The following DHRSX variants were observed in gnomAD, a reference collection of about 807,000 sequenced individuals.
DHRSX encodes the protein polyprenol dehydrogenase.
In DHRSX, 31 loss-of-function variants were observed where a neutral mutation model predicts 34.0. The observed-to-expected ratio is 0.91, with a 90% CI of 0.69 to 1.23. DHRSX has a LOEUF of 1.23. DHRSX is among the 50% of genes most tolerant of loss of function. DHRSX has a pLI of 0.00. For synonymous variants in DHRSX, 201 were observed against 183.8 expected (o/e 1.09, Z -0.76); for missense variants, 414 against 428.1 (o/e 0.97, Z 0.29).
intron 3 of DHRSX, among the ~76,000 whole-genome samples, chrX:2,393,062 TTA>T (rs1255113945): frequency 4.1e-5 from 6 of 146,884 alleles, no homozygotes; most frequent in African/African-American, 1.2e-4. Flanking sequence ...TAAATTCATA[TTA>T]TGTCATTATG....
At chrX:2,423,323 G>A (rs924422505) in intron 2 of DHRSX, among the ~76,000 whole-genome samples, 2 of 152,112 alleles carry the variant, frequency 1.3e-5, no homozygotes, top group Non-Finnish European at 2.9e-5. Flanking sequence ...TGAGGCAGGA[G>A]AGTCGCTTGA....
intron 4 of DHRSX, among the ~76,000 whole-genome samples, chrX:2,285,344 A>C (rs574083208): frequency 1.3e-5 from 2 of 152,184 alleles, no homozygotes; most frequent in Admixed American, 1.3e-4. Context: ...ATTAGATTCC[A>C]TAAGGAGCAC....
At chrX:2,267,757 G>C (rs1368419772) in intron 4 of DHRSX, among the ~76,000 whole-genome samples, 3 of 151,988 alleles carry the variant, frequency 2.0e-5, no homozygotes, top group Admixed American at 6.6e-5. Context: ...ACCAGGCTGT[G>C]CACCACAGTG....
intron 4 of DHRSX, among the ~76,000 whole-genome samples, chrX:2,274,136 CA>C (rs1220007949): frequency 2.0e-5 from 3 of 150,114 alleles, no homozygotes; most frequent in Admixed American, 2.0e-4. Flanking sequence ...CTCCTGGGTT[CA>C]AGCGATTCTC....
In DHRSX at chrX:2,393,825, C is replaced by G. The variant is rs1450408798; in HGVS notation, c.286+14920G>C. ...CTGCACACACGACACACAGGGACCT[C>G]CCCGTCTCCTGCACACACGACACAC... On this transcript the variant is annotated intron_variant, in intron 3 of 6. Transcript: ENST00000334651. Among the ~76,000 whole-genome samples the G allele has an allele frequency of 4.7e-4, 31 of 65,366 alleles. 3 individuals are homozygous for G. The highest frequency in any genetic ancestry group is 9.2e-4 in the Non-Finnish European group (28 of 30,294). 42.9% of individuals were successfully genotyped at this position (65,366 alleles called of 152,430 possible). A position where few individuals can be genotyped will look rare whatever the true frequency, so the allele number is the denominator to read the frequency against.
At chrX:2,490,606 G>A (rs1477820741) in intron 1 of DHRSX, 15 of 1,613,968 alleles carry the variant, frequency 9.3e-6, no homozygotes, top group African/African-American at 2.7e-5. Flanking sequence ...ACTGCAGGAT[G>A]CATCCCTCGG....
intron 1 of DHRSX, among the ~76,000 whole-genome samples, chrX:2,463,239 A>G (rs2044427837): frequency 1.3e-5 from 2 of 152,066 alleles, no homozygotes; most frequent in African/African-American, 2.4e-5. Context: ...TCGCTTGAAC[A>G]TGGGAGGCGG....
At chrX:2,282,904 G>A (rs1358502610) in intron 4 of DHRSX, among the ~76,000 whole-genome samples, 14 of 150,816 alleles carry the variant, frequency 9.3e-5, no homozygotes, top group African/African-American at 3.4e-4. Flanking sequence ...GAGAAGGGAG[G>A]TCGAGAGCAA....
chrX:2,322,218 G>A (rs1320988203), intron 3 of DHRSX, among the ~76,000 whole-genome samples: 4 of 150,782 alleles, frequency 2.7e-5, no homozygotes, highest in African/African-American at 2.4e-5. Flanking sequence ...GAGAACATAC[G>A]ATGTTGGTTT....
intron 6 of DHRSX, among the ~76,000 whole-genome samples, chrX:2,240,909 G>C (rs1243584039): frequency 6.6e-6 from 1 of 152,114 alleles, no homozygotes; most frequent in Admixed American, 6.6e-5. Flanking sequence ...GGACAGGCAC[G>C]GTGGCTCACT....
At chrX:2,422,476 T>C (rs1244189222) in intron 2 of DHRSX, among the ~76,000 whole-genome samples, 2 of 152,056 alleles carry the variant, frequency 1.3e-5, no homozygotes, top group African/African-American at 2.4e-5. Flanking sequence ...TTAGCCAGGA[T>C]GGTCTCGATC....
At position 2,220,925 on chromosome X, in the gene DHRSX, A is replaced by G. The variant is rs2015505406; in HGVS notation, c.*116T>C. On this transcript the variant is annotated 3_prime_UTR_variant, in exon 7 of 7. Transcript: ENST00000334651. Reference sequence around the variant, plus strand: ...GGCAGCTGTCTCAAAACTAGAGGACAGAGCCCTGTGGGCAGGTGGGTGTGA... The same window carrying G: ...GGCAGCTGTCTCAAAACTAGAGGACGGAGCCCTGTGGGCAGGTGGGTGTGA... 5 of 960,754 alleles carry G rather than the reference A, an allele frequency of 5.2e-6. No homozygotes were observed. The highest frequency in any genetic ancestry group is 3.0e-4 in the Middle Eastern group (1 of 3,334). 59.5% of individuals were successfully genotyped at this position (960,754 alleles called of 1,614,324 possible).
chrX:2,274,558 A>G (rs1967734613), intron 4 of DHRSX, among the ~76,000 whole-genome samples: 1 of 149,300 alleles, frequency 6.7e-6, no homozygotes, highest in Non-Finnish European at 1.5e-5. Flanking sequence ...CTGGGATTAC[A>G]GGTGTGCACC....
intron 3 of DHRSX, among the ~76,000 whole-genome samples, chrX:2,367,447 G>GA (rs2043007400): frequency 7.8e-6 from 1 of 128,136 alleles, no homozygotes; most frequent in African/African-American, 2.9e-5. Flanking sequence ...AAAAAAAAAA[G>GA]AAAAAAGAAA....
intron 3 of DHRSX, among the ~76,000 whole-genome samples, chrX:2,397,323 G>A (rs1352183367): frequency 2.0e-5 from 3 of 151,938 alleles, no homozygotes; most frequent in Admixed American, 6.6e-5. Flanking sequence ...TTGTAGAGAC[G>A]GAGTCTCTCT....
At chrX:2,497,240 A>T (rs1219530580) in intron 1 of DHRSX, among the ~76,000 whole-genome samples, 5 of 152,180 alleles carry the variant, frequency 3.3e-5, no homozygotes, top group Non-Finnish European at 5.9e-5. Flanking sequence ...CTAAAAATAC[A>T]AAATGAGCCA....
chrX:2,419,943 A>C (rs1015726206), intron 2 of DHRSX, among the ~76,000 whole-genome samples: 1 of 152,126 alleles, frequency 6.6e-6, no homozygotes, highest in African/African-American at 2.4e-5. Flanking sequence ...CGTTGTGCAC[A>C]TGTACCCTAA....
chrX:2,490,084 C>T (rs751542930), intron 1 of DHRSX: 4 of 1,613,780 alleles, frequency 2.5e-6, no homozygotes, highest in South Asian at 1.1e-5. Flanking sequence ...GGGCGGCCAG[C>T]GTGACGTAGG....
At chrX:2,296,841 CA>C in intron 3 of DHRSX, among the ~76,000 whole-genome samples, 1 of 48,048 alleles carries the variant, frequency 2.1e-5, no homozygotes, top group Admixed American at 2.4e-4. Context: ...GAATAGGACC[CA>C]GGCAGATAGA....
Sources: gnomAD v4.1 joint callset for allele counts (sites outside exome capture counted in the v4.1 genomes callset) on GRCh38, gnomAD v4.1.1 for gene constraint, MANE v1.5 for transcripts, NCBI Gene and HGNC (gene_info 2026-07-23, HGNC 2026-07-21) for gene names.